The following PDE7A variants were observed in gnomAD, a reference collection of about 807,000 sequenced individuals.
The protein encoded by PDE7A is high affinity 3',5'-cyclic-AMP phosphodiesterase 7A.
PDE7A carries 39 observed loss-of-function variants against 64.3 expected under a neutral mutation model. That is an observed-to-expected ratio of 0.61 (90% CI 0.47 to 0.79). The LOEUF is 0.79. Among genes scored for constraint, PDE7A ranks in the 30% least tolerant of loss-of-function variants. The pLI is 0.00. For synonymous variants in PDE7A, 203 were observed against 206.8 expected, an observed-to-expected ratio of 0.98 and a Z score of 0.16; for missense variants, 470 against 582.8, an observed-to-expected ratio of 0.81 and a Z score of 1.99.
intron 1 of PDE7A, among the ~76,000 whole-genome samples, chr8:65,786,600 T>C (rs983715029): frequency 6.6e-6 from 1 of 152,182 alleles, no homozygotes; most frequent in African/African-American, 2.4e-5. Context: ...AAAAAAGATT[T>C]CTTTAAAGAT....
intron 1 of PDE7A, among the ~76,000 whole-genome samples, chr8:65,795,550 A>G (rs923666483): frequency 2.0e-5 from 3 of 152,220 alleles, no homozygotes; most frequent in Admixed American, 6.5e-5. Flanking sequence ...AGGAGAGTTC[A>G]GAGTTCCAAC....
At chr8:65,837,773 T>C (rs1249360114) in intron 1 of PDE7A, among the ~76,000 whole-genome samples, 1 of 152,162 alleles carries the variant, frequency 6.6e-6, no homozygotes, top group Non-Finnish European at 1.5e-5. Context: ...ATTAATACAG[T>C]GAGAAAATAA....
At chr8:65,837,368 T>C (rs1276232106) in intron 1 of PDE7A, among the ~76,000 whole-genome samples, 1 of 152,218 alleles carries the variant, frequency 6.6e-6, no homozygotes, top group Non-Finnish European at 1.5e-5. Flanking sequence ...AGTATCACTA[T>C]CCAAAATGCT....
At chr8:65,820,747 G>T (rs1477909951) in intron 1 of PDE7A, among the ~76,000 whole-genome samples, 10 of 152,010 alleles carry the variant, frequency 6.6e-5, no homozygotes, top group African/African-American at 2.2e-4. Context: ...ACACCACTAT[G>T]CCAGGCTAAT....
At chr8:65,818,249 GTTTC>G (rs1437520811) in intron 1 of PDE7A, among the ~76,000 whole-genome samples, 1 of 151,916 alleles carries the variant, frequency 6.6e-6, no homozygotes, top group African/African-American at 2.4e-5. Flanking sequence ...GTCACCCTCT[GTTTC>G]TTTACGTCTT....
rs58248768 is a variant in PDE7A, at chr8:65,783,677, A to C, written c.139-834T>G. Among the ~76,000 whole-genome samples, 1,019 of 152,344 alleles carry C rather than the reference A, an allele frequency of 6.7e-3. 11 individuals carry two copies. Among genetic ancestry groups the C allele is most frequent in the African/African-American group, 0.024 (978 of 41,576 alleles). ...TTACTAAAAGCTCCACAAGAGCAGA[A>C]ACTTTGTCTATCTTAGTCATCACTG... On this transcript the variant is annotated intron_variant, in intron 1 of 12. Transcript: ENST00000401827.
At chr8:65,817,733 T>C (rs1221483466) in intron 1 of PDE7A, among the ~76,000 whole-genome samples, 2 of 148,596 alleles carry the variant, frequency 1.3e-5, no homozygotes, top group East Asian at 4.0e-4. Flanking sequence ...TCTCATTATA[T>C]CTCATCATAT....
At chr8:65,821,758 T>C (rs1810546786) in intron 1 of PDE7A, among the ~76,000 whole-genome samples, 1 of 152,242 alleles carries the variant, frequency 6.6e-6, no homozygotes, top group African/African-American at 2.4e-5. Context: ...GAAGACTTAT[T>C]ATCTAAAAAC....
intron 1 of PDE7A, among the ~76,000 whole-genome samples, chr8:65,827,935 T>C (rs1810720016): frequency 6.6e-6 from 1 of 152,122 alleles, no homozygotes; most frequent in South Asian, 2.1e-4. Flanking sequence ...TCTGAACACC[T>C]TCTATGTGCC....
intron 1 of PDE7A, 90 bp downstream of exon 1, chr8:65,841,281 G>A (rs573376546): frequency 7.5e-7 from 1 of 1,333,700 alleles, no homozygotes; most frequent in Non-Finnish European, 9.8e-7. Flanking sequence ...ACAATGCGCG[G>A]GCTGGGGGTT....
intron 12 of PDE7A, chr8:65,720,361 CATTCTG>C (rs1263323805): frequency 6.5e-6 from 1 of 154,086 alleles, no homozygotes; most frequent in Non-Finnish European, 1.5e-5. Flanking sequence ...GGAAAATATA[CATTCTG>C]ATTCTATCAC....
At chr8:65,803,451 T>G (rs564027497) in intron 1 of PDE7A, among the ~76,000 whole-genome samples, 8 of 152,316 alleles carry the variant, frequency 5.3e-5, no homozygotes, top group Middle Eastern at 3.4e-3. Flanking sequence ...CAATTTTCAG[T>G]CAGCTGCATC....
At position 65,750,313 on chromosome 8, in the gene PDE7A, A is replaced by G. The variant is rs866922854; in HGVS notation, c.284-2510T>C. 5.3e-5 allele frequency among the ~76,000 whole-genome samples: 8 copies of G among 152,360 alleles called. 1 individual carries two copies. Among genetic ancestry groups the G allele is most frequent in the Middle Eastern group, 6.8e-3 (2 of 294 alleles). ...TGTACTGTATTTATTATGAAAAAAT[A>G]ACCTAAAGCAGAGTTCAAGGTCATG... On this transcript the variant is annotated intron_variant, in intron 3 of 12. Coordinates refer to ENST00000401827, the MANE Select transcript of PDE7A (RefSeq NM_001242318.3).
chr8:65,826,784 T>A (rs1192647793), intron 1 of PDE7A, among the ~76,000 whole-genome samples: 1 of 152,198 alleles, frequency 6.6e-6, no homozygotes, highest in Non-Finnish European at 1.5e-5. Context: ...CTCATAGTTC[T>A]GGAGGCTGAA....
intron 7 of PDE7A, among the ~76,000 whole-genome samples, chr8:65,732,304 CAT>C (rs925700450): frequency 1.3e-5 from 2 of 151,972 alleles, no homozygotes; most frequent in African/African-American, 4.8e-5. Context: ...CAGCCACTAA[CAT>C]ATTATTTTGA....
At chr8:65,781,323 T>G (rs1585913115) in intron 2 of PDE7A, among the ~76,000 whole-genome samples, 1 of 147,188 alleles carries the variant, frequency 6.8e-6, no homozygotes. Context: ...AGGAGCAAGG[T>G]GAGTGAGGGG....
intron 1 of PDE7A, among the ~76,000 whole-genome samples, chr8:65,837,378 T>C (rs1313990576): frequency 6.6e-6 from 1 of 152,202 alleles, no homozygotes; most frequent in African/African-American, 2.4e-5. Context: ...TCCAAAATGC[T>C]TGGGATCAGG....
In PDE7A at chr8:65,782,806, G is replaced by T; in HGVS notation, c.176C>A (p.Thr59Asn). The T allele has an allele frequency of 6.3e-7, 1 of 1,590,388 alleles. No homozygotes were observed. Among genetic ancestry groups the T allele is most frequent in the Non-Finnish European group, 8.6e-7 (1 of 1,159,916 alleles). ...GAISYDSSDQTALYIRMLGDV... is the reference protein window; with the variant it reads ...GAISYDSSDQNALYIRMLGDV... Reference sequence around the variant, plus strand: ...ACCTAGCATACGAATGTATAATGCAGTCTGATCAGAACTGTCATAGGAAAT... The same window carrying T: ...ACCTAGCATACGAATGTATAATGCATTCTGATCAGAACTGTCATAGGAAAT... The change falls in exon 2 of 13, where the codon ACT becomes AAT. Residue 59 changes from threonine to asparagine, a missense_variant. Transcript: ENST00000401827.
chr8:65,811,535 AGAT>A (rs1044092626), intron 1 of PDE7A, among the ~76,000 whole-genome samples: 7 of 152,254 alleles, frequency 4.6e-5, no homozygotes, highest in African/African-American at 1.7e-4. Flanking sequence ...GCAGAGAGCA[AGAT>A]GAAGAGTAGA....
Sources: allele counts gnomAD v4.1 joint callset (sites outside exome capture counted in the v4.1 genomes callset), GRCh38; gene constraint gnomAD v4.1.1; transcripts MANE v1.5; gene names NCBI Gene and HGNC (gene_info 2026-07-23, HGNC 2026-07-21).